ZNF251: variants seen among roughly 807,000 people sequenced by gnomAD.
The protein encoded by ZNF251 is zinc finger protein 251.
ZNF251 carries 14 observed loss-of-function variants against 13.5 expected under a neutral mutation model. That is an observed-to-expected ratio of 1.04 (90% CI 0.69 to 1.63). The LOEUF is 1.63. Among genes scored for constraint, ZNF251 ranks in the 40% most tolerant of loss-of-function variants. The pLI, the probability that ZNF251 is intolerant of heterozygous loss-of-function variation, is 0.00. For missense variants in ZNF251, 764 were observed against 834.9 expected, an observed-to-expected ratio of 0.92 and a Z score of 1.05; for synonymous variants, 287 against 295.2, an observed-to-expected ratio of 0.97 and a Z score of 0.28.
intron 4 of ZNF251, among the ~76,000 whole-genome samples, chr8:144,749,875 C>CTTTTTTTT (rs796849869): frequency 2.3e-5 from 3 of 129,160 alleles, no homozygotes; most frequent in African/African-American, 9.2e-5. Flanking sequence ...TTTTTCTTTT[C>CTTTTTTTT]TTTTTTTTCT....
chr8:144,722,333 G>C lies in ZNF251; in HGVS notation c.1327C>G (p.Arg443Gly), dbSNP rs757050764. The change falls in exon 5 of 5, where the codon CGT becomes GGT. Residue 443 changes from arginine to glycine, a missense_variant. By Grantham distance (125) the Arg-to-Gly change is moderately radical. Coordinates refer to ENST00000292562, the MANE Select transcript of ZNF251 (RefSeq NM_138367.2). The surrounding 1 kb of genome is among the most constrained non-coding windows in gnomAD (Gnocchi z 4.8). ...YVCNECGKAF[R>G]RSSTLVQHRR... Reference sequence around the variant, plus strand: ...TGCTGAACAAGAGTGGAACTCCGACGAAAGGCTTTGCCGCACTCATTACAA... The same window carrying C: ...TGCTGAACAAGAGTGGAACTCCGACCAAAGGCTTTGCCGCACTCATTACAA... 2.5e-6 allele frequency: 4 copies of C among 1,613,530 alleles called. No homozygotes were observed. Among genetic ancestry groups the C allele is most frequent in the Non-Finnish European group, 3.4e-6 (4 of 1,179,708 alleles).
At chr8:144,748,737 A>C (rs1468695374) in intron 4 of ZNF251, among the ~76,000 whole-genome samples, 2 of 151,904 alleles carry the variant, frequency 1.3e-5, no homozygotes, top group African/African-American at 4.8e-5. Flanking sequence ...AATTTTTTTA[A>C]CTTTTTGATG....
intron 4 of ZNF251, among the ~76,000 whole-genome samples, chr8:144,740,136 T>C (rs1372058582): frequency 1.3e-5 from 2 of 149,542 alleles, no homozygotes. Flanking sequence ...AAATACAAAA[T>C]TAGCCAGGTG....
intron 4 of ZNF251, among the ~76,000 whole-genome samples, chr8:144,725,109 G>A (rs1248461773): frequency 6.6e-6 from 1 of 152,106 alleles, no homozygotes; most frequent in Non-Finnish European, 1.5e-5. Flanking sequence ...CACCTCCTGG[G>A]TTCAAGCGAT....
At chr8:144,755,366 GC>G (rs1456902674) in intron 1 of ZNF251, 38 bp downstream of exon 1, 1 of 1,285,220 alleles carries the variant, frequency 7.8e-7, no homozygotes, top group South Asian at 1.2e-5. Flanking sequence ...CCGCCTGCCT[GC>G]CCGCTTGGCG....
intron 4 of ZNF251, among the ~76,000 whole-genome samples, chr8:144,728,419 C>T (rs1160957466): frequency 5.9e-5 from 9 of 151,718 alleles, no homozygotes; most frequent in African/African-American, 2.2e-4. Context: ...ATCCCAGCAC[C>T]TTGGGAGGCC....
In ZNF251 at chr8:144,724,887, T is replaced by C. The variant is rs552364761; in HGVS notation, c.278-1505A>G. On this transcript the variant is annotated intron_variant, in intron 4 of 4. Coordinates refer to ENST00000292562, the MANE Select transcript of ZNF251 (RefSeq NM_138367.2). ...AGATAGTTGCTATTTCTTCCTTAAC[T>C]GTTTAGTACAAGTCGGTGAAGCCAT... is the stretch of plus-strand genomic sequence containing the variant. Among the ~76,000 whole-genome samples the C allele has an allele frequency of 2.1e-3, 319 of 152,354 alleles. 1 individual carries two copies. Among genetic ancestry groups the C allele is most frequent in the African/African-American group, 7.3e-3 (305 of 41,580 alleles).
intron 4 of ZNF251, among the ~76,000 whole-genome samples, chr8:144,749,161 T>C (rs1824571393): frequency 6.6e-6 from 1 of 152,016 alleles, no homozygotes; most frequent in South Asian, 2.1e-4. Flanking sequence ...TGAGACCCCA[T>C]CTCTAAAAAT....
At chr8:144,747,989 A>G (rs920251096) in intron 4 of ZNF251, among the ~76,000 whole-genome samples, 1 of 152,152 alleles carries the variant, frequency 6.6e-6, no homozygotes, top group Non-Finnish European at 1.5e-5. Context: ...AGCTCACCGC[A>G]GCTTCAATGT....
intron 1 of ZNF251, 102 bp from the exon 2 acceptor site, chr8:144,754,905 G>A: frequency 6.9e-7 from 1 of 1,443,328 alleles, no homozygotes; most frequent in Non-Finnish European, 9.1e-7. Context: ...TGGGTCGCGG[G>A]AGGCAGGTCA....
At chr8:144,737,553 G>A (rs1197779432) in intron 4 of ZNF251, among the ~76,000 whole-genome samples, 1 of 151,626 alleles carries the variant, frequency 6.6e-6, no homozygotes, top group East Asian at 2.0e-4. Flanking sequence ...ACGAGGCTGG[G>A]CGCAGTGGCT....
intron 4 of ZNF251, among the ~76,000 whole-genome samples, chr8:144,729,390 G>A (rs1401559342): frequency 1.3e-5 from 2 of 149,158 alleles, no homozygotes; most frequent in South Asian, 4.3e-4. Context: ...AGGCTGGAGT[G>A]CAGTGGCGCA....
intron 4 of ZNF251, among the ~76,000 whole-genome samples, chr8:144,741,051 G>A (rs1313165831): frequency 6.6e-6 from 1 of 152,230 alleles, no homozygotes; most frequent in Non-Finnish European, 1.5e-5. Context: ...TCCTCGAAGT[G>A]CTGCCGAAGG....
chr8:144,732,753 A>C (rs543320862), intron 4 of ZNF251, among the ~76,000 whole-genome samples: 1 of 150,076 alleles, frequency 6.7e-6, no homozygotes, highest in Non-Finnish European at 1.5e-5. Flanking sequence ...CGGAGCTTGC[A>C]GTGAGCCAAG....
intron 4 of ZNF251, among the ~76,000 whole-genome samples, chr8:144,739,371 C>T (rs1219058253): frequency 6.6e-6 from 1 of 151,106 alleles, no homozygotes; most frequent in African/African-American, 2.4e-5. Context: ...CATGACTCCA[C>T]TCCCCCGCCT....
In ZNF251 at chr8:144,753,794, A is replaced by G. The variant is rs751158835; in HGVS notation, c.166T>C (p.Phe56Leu). ...ENYGNVASLGFPVPKPELISQ... is the reference protein window; with the variant it reads ...ENYGNVASLGLPVPKPELISQ... Reference sequence around the variant, plus strand: ...ATCAACTCCGGCTTAGGGACAGGGAATCCTGTTGAGGATGAGGACACTGGT... The same window carrying G: ...ATCAACTCCGGCTTAGGGACAGGGAGTCCTGTTGAGGATGAGGACACTGGT... Residue 56 changes from phenylalanine to leucine, a missense_variant and splice_region_variant, in exon 4 of 5, where the codon TTC becomes CTC. By Grantham distance (22) the Phe-to-Leu change is conservative. Coordinates refer to ENST00000292562, the MANE Select transcript of ZNF251 (RefSeq NM_138367.2). 4 of 1,569,974 alleles carry G rather than the reference A, an allele frequency of 2.5e-6. No individual in the cohort carries two copies. Among genetic ancestry groups the G allele is most frequent in the Non-Finnish European group, 3.5e-6 (4 of 1,156,616 alleles).
chr8:144,723,223 C>T lies in ZNF251; in HGVS notation c.437G>A (p.Arg146His), dbSNP rs761175114. The change falls in exon 5 of 5, where the codon CGC becomes CAC. Residue 146 changes from arginine to histidine, a missense_variant. Coordinates refer to ENST00000292562, the MANE Select transcript of ZNF251 (RefSeq NM_138367.2). Reference protein sequence around the residue: ...AWGREGKLKERVGNSAGQSLN... With the variant: ...AWGREGKLKEHVGNSAGQSLN... The stretch of plus-strand genomic sequence containing the variant: ...ACTCTGCCCGGCAGAATTTCCCACG[C>T]GCTCTTTGAGTTTGCCCTCACGGCC... 1.4e-4 allele frequency: 228 copies of T among 1,613,430 alleles called. No homozygotes were observed. The highest frequency in any genetic ancestry group is 2.8e-4 in the Admixed American group (17 of 59,886).
chr8:144,742,778 G>A (rs924261691), intron 4 of ZNF251, among the ~76,000 whole-genome samples: 4 of 152,018 alleles, frequency 2.6e-5, no homozygotes, highest in African/African-American at 9.7e-5. Context: ...GGTGTCCGTT[G>A]GTAAACAAAG....
intron 4 of ZNF251, among the ~76,000 whole-genome samples, chr8:144,746,502 C>T (rs1361699387): frequency 6.6e-6 from 1 of 152,172 alleles, no homozygotes; most frequent in African/African-American, 2.4e-5. Flanking sequence ...ACACTGACCT[C>T]ATATGAGTTA....
Sources: allele counts gnomAD v4.1 joint callset (sites outside exome capture counted in the v4.1 genomes callset), GRCh38; gene constraint gnomAD v4.1.1; non-coding constraint Gnocchi (gnomAD v3.1); transcripts MANE v1.5; gene names NCBI Gene and HGNC (gene_info 2026-07-23, HGNC 2026-07-21).